The following PCBP3 variants were observed in gnomAD, a reference collection of about 807,000 sequenced individuals.
The protein encoded by PCBP3 is poly(rC)-binding protein 3.
PCBP3 carries 25 observed loss-of-function variants against 52.7 expected under a neutral mutation model. The observed-to-expected ratio is 0.47, with a 90% CI of 0.35 to 0.66. The LOEUF is 0.66. PCBP3 is among the 30% of genes least tolerant of loss of function. PCBP3 has a pLI of 0.01. For synonymous variants in PCBP3, 162 were observed against 183.0 expected (o/e 0.89, Z 0.93); for missense variants, 391 against 490.3 (o/e 0.80, Z 1.91).
Position 45,655,530 on chromosome 21 carries a change from C to T in PCBP3, c.-279+11662C>T, listed in dbSNP as rs535530275. 8.5e-5 allele frequency among the ~76,000 whole-genome samples: 13 copies of T among 152,176 alleles called. No homozygotes were observed. In the South Asian group the frequency reaches 2.7e-3, roughly 32 times the overall value. On this transcript the variant is annotated intron_variant, in intron 1 of 17. Transcript: ENST00000681687. ...TTCTGTAGTGACTGATGGTATTCAG[C>T]CCTTTTTATGTACTGCTTATTGGCC...
At chr21:45,892,486 CCCGTCTCTCACGGG>C (rs2095699710) in intron 5 of PCBP3, among the ~76,000 whole-genome samples, 1 of 147,914 alleles carries the variant, frequency 6.8e-6, no homozygotes, top group African/African-American at 2.5e-5. Flanking sequence ...GGGGGGCGGT[CCCGTCTCTCACGGG>C]GCGTGGAGGG....
At chr21:45,900,556 A>C (rs1185710760) in intron 7 of PCBP3, 35 bp from the exon 8 acceptor site, 1 of 1,590,346 alleles carries the variant, frequency 6.3e-7, no homozygotes, top group South Asian at 1.1e-5. Flanking sequence ...AGCCAGAGGG[A>C]TACCTTTTCC....
chr21:45,859,580 G>A (rs1337933294), intron 5 of PCBP3: 1 of 152,260 alleles, frequency 6.6e-6, no homozygotes, highest in African/African-American at 2.4e-5. Context: ...CTCAGGGAAG[G>A]CCAGTCCTAA....
chr21:45,831,978 T>G (rs1004815375), intron 4 of PCBP3, among the ~76,000 whole-genome samples: 7 of 152,290 alleles, frequency 4.6e-5, no homozygotes, highest in African/African-American at 1.7e-4. Context: ...CCCAAAGTGC[T>G]GGAATTACAG....
chr21:45,893,790 G>C (rs2148976780), intron 5 of PCBP3: 1 of 985,492 alleles, frequency 1.0e-6, no homozygotes, highest in South Asian at 4.7e-5. Context: ...GGAGGGGCGG[G>C]CAAGCCTCAG....
At chr21:45,746,168 C>T (rs1431457043) in intron 3 of PCBP3, among the ~76,000 whole-genome samples, 15 of 143,780 alleles carry the variant, frequency 1.0e-4, no homozygotes, top group Non-Finnish European at 1.9e-4. Flanking sequence ...ATTGACGTAG[C>T]GCCACACGGT....
At chr21:45,919,679 C>T (rs2074121315) in intron 13 of PCBP3, among the ~76,000 whole-genome samples, 1 of 152,206 alleles carries the variant, frequency 6.6e-6, no homozygotes. Flanking sequence ...ACATCAAGGA[C>T]ATCTCATCCT....
intron 2 of PCBP3, among the ~76,000 whole-genome samples, chr21:45,692,681 C>T (rs1177197562): frequency 1.3e-5 from 2 of 152,174 alleles, no homozygotes; most frequent in Non-Finnish European, 2.9e-5. Context: ...GAAGGCTACA[C>T]TGGTTCATTC....
intron 4 of PCBP3, among the ~76,000 whole-genome samples, chr21:45,781,063 T>C (rs1359708756): frequency 6.6e-6 from 1 of 152,136 alleles, no homozygotes; most frequent in African/African-American, 2.4e-5. Context: ...AAGGCAGATA[T>C]CTGATCAACC....
intron 1 of PCBP3, among the ~76,000 whole-genome samples, chr21:45,653,633 A>G (rs145134320): frequency 1.2e-3 from 182 of 152,204 alleles, no homozygotes; most frequent in African/African-American, 3.9e-3. Flanking sequence ...TGCTTTAGGT[A>G]TGTCTCTTGC....
intron 13 of PCBP3, among the ~76,000 whole-genome samples, chr21:45,926,809 G>A (rs2075474878): frequency 1.0e-5 from 1 of 99,924 alleles, no homozygotes. Flanking sequence ...CTGAGATCAG[G>A]GGACGATTTC....
chr21:45,675,181 T>A (rs2081390735), intron 2 of PCBP3, among the ~76,000 whole-genome samples: 1 of 152,152 alleles, frequency 6.6e-6, no homozygotes. Context: ...CCTTCTGTCA[T>A]TTCCAAAAGT....
intron 1 of PCBP3, among the ~76,000 whole-genome samples, chr21:45,666,102 T>C (rs2147173360): frequency 6.6e-6 from 1 of 152,266 alleles, no homozygotes; most frequent in East Asian, 1.9e-4. Context: ...AAACTAGGCA[T>C]AGAAGGAACA....
chr21:45,692,025 G>A (rs1004515290), intron 2 of PCBP3, among the ~76,000 whole-genome samples: 1 of 152,156 alleles, frequency 6.6e-6, no homozygotes, highest in Admixed American at 6.5e-5. Context: ...TACACAGTCC[G>A]TCTTCCCCTC....
intron 4 of PCBP3, among the ~76,000 whole-genome samples, chr21:45,784,314 C>A (rs1229486235): frequency 6.9e-6 from 1 of 144,782 alleles, no homozygotes; most frequent in Non-Finnish European, 1.5e-5. Flanking sequence ...GATGGACCAC[C>A]AGGGAATGTT....
intron 4 of PCBP3, among the ~76,000 whole-genome samples, chr21:45,803,371 T>C (rs2092379362): frequency 1.3e-5 from 2 of 152,214 alleles, no homozygotes; most frequent in Admixed American, 6.5e-5. Flanking sequence ...TTGTTTCTTT[T>C]CTGTGGTGGT....
At chr21:45,909,762 ACCC>A (rs1361072868) in intron 10 of PCBP3, among the ~76,000 whole-genome samples, 9 of 45,236 alleles carry the variant, frequency 2.0e-4, no homozygotes, top group South Asian at 8.7e-4. Flanking sequence ...CCAGATACGG[ACCC>A]CCCCCACCCA....
chr21:45,683,231 C>T (rs7279909), intron 2 of PCBP3, among the ~76,000 whole-genome samples: 29,134 of 152,044 alleles, frequency 0.19, 2,989 homozygotes, highest in Middle Eastern at 0.33. Flanking sequence ...CTTTGGTGAT[C>T]CCCACAAAGC....
chr21:45,658,421 A>C (rs1027687424), intron 1 of PCBP3, among the ~76,000 whole-genome samples: 24 of 152,162 alleles, frequency 1.6e-4, no homozygotes, highest in African/African-American at 5.8e-4. Context: ...CTCCTGCCTC[A>C]GCCTCCTGAG....
Sources: gnomAD v4.1 joint callset for allele counts (sites outside exome capture counted in the v4.1 genomes callset) on GRCh38, gnomAD v4.1.1 for gene constraint, MANE v1.5 for transcripts, NCBI Gene and HGNC (gene_info 2026-07-23, HGNC 2026-07-21) for gene names.